The following VRK2 variants were observed in gnomAD, a reference collection of about 807,000 sequenced individuals.
VRK2 encodes the protein serine/threonine-protein kinase VRK2.
In VRK2, 60 loss-of-function variants were observed where a neutral mutation model predicts 57.6. That is an observed-to-expected ratio of 1.04 (90% confidence interval 0.85 to 1.29). The LOEUF (loss-of-function observed/expected upper bound fraction) is 1.29. Ranked by LOEUF, VRK2 falls within the 50% of genes most tolerant of loss-of-function variation. The pLI is 0.00. For missense variants in VRK2, 705 were observed against 588.1 expected (o/e 1.20, Z -2.06); for synonymous variants, 231 against 199.2 (o/e 1.16, Z -1.35).
chr2:57,938,667 G>A (rs564953784), intron 1 of VRK2, among the ~76,000 whole-genome samples: 25 of 151,850 alleles, frequency 1.6e-4, no homozygotes, highest in African/African-American at 5.8e-4. Flanking sequence ...TCTAGTAGCT[G>A]GAAAAGGCCT....
intron 12 of VRK2, among the ~76,000 whole-genome samples, chr2:58,155,921 G>GTT (rs5831489): frequency 2.2e-5 from 3 of 138,556 alleles, no homozygotes; most frequent in African/African-American, 6.2e-5. Context: ...TTTCATGTTT[G>GTT]TTTTTTTTTT....
intron 3 of VRK2, among the ~76,000 whole-genome samples, chr2:58,040,900 G>A (rs1674429429): frequency 6.6e-6 from 1 of 152,160 alleles, no homozygotes; most frequent in East Asian, 1.9e-4. Flanking sequence ...TGAAAGGTAA[G>A]CCTAAAAACA....
chr2:58,027,139 T>A (rs926742999), intron 2 of VRK2, among the ~76,000 whole-genome samples: 1 of 152,118 alleles, frequency 6.6e-6, no homozygotes, highest in African/African-American at 2.4e-5. Context: ...GGTGCCCTTC[T>A]CTGTTTAACC....
intron 2 of VRK2, among the ~76,000 whole-genome samples, chr2:58,079,872 T>C (rs551433486): frequency 8.5e-5 from 13 of 152,080 alleles, no homozygotes; most frequent in Non-Finnish European, 8.8e-5. Flanking sequence ...TGTAGGCCTT[T>C]TCAGTTTCTT....
chr2:58,114,022 T>G (rs928248576), intron 7 of VRK2, among the ~76,000 whole-genome samples: 3 of 152,144 alleles, frequency 2.0e-5, no homozygotes, highest in Admixed American at 2.0e-4. Flanking sequence ...TGGGAGAGAT[T>G]AAGCTGAAGG....
At chr2:58,139,643 G>T in intron 10 of VRK2, 23 bp from the exon 11 acceptor site, 2 of 1,598,694 alleles carry the variant, frequency 1.3e-6, no homozygotes, top group Non-Finnish European at 1.7e-6. Flanking sequence ...TGAATGACAT[G>T]TAAAAAATTT....
At chr2:57,917,621 T>A (rs1243009736) in intron 1 of VRK2, among the ~76,000 whole-genome samples, 1 of 150,982 alleles carries the variant, frequency 6.6e-6, no homozygotes, top group East Asian at 1.9e-4. Context: ...ATATTTAGTT[T>A]GGGGTAATGG....
At chr2:57,908,180 A>G (rs931752552) in intron 1 of VRK2, among the ~76,000 whole-genome samples, 2 of 152,204 alleles carry the variant, frequency 1.3e-5, no homozygotes, top group African/African-American at 4.8e-5. Context: ...GCAGAGCACA[A>G]AGTTGTACAT....
chr2:57,949,624 T>A (rs1278800078), intron 1 of VRK2, among the ~76,000 whole-genome samples: 1 of 152,144 alleles, frequency 6.6e-6, no homozygotes, highest in African/African-American at 2.4e-5. Context: ...TGAGACACAA[T>A]AATATTGAAA....
intron 1 of VRK2, among the ~76,000 whole-genome samples, chr2:58,022,424 C>T (rs1249297083): frequency 6.6e-6 from 1 of 152,140 alleles, no homozygotes; most frequent in Non-Finnish European, 1.5e-5. Context: ...GCTACGTAGA[C>T]ATTATGTTTC....
At chr2:57,924,652 A>G (rs1376625077) in intron 1 of VRK2, among the ~76,000 whole-genome samples, 1 of 151,958 alleles carries the variant, frequency 6.6e-6, no homozygotes, top group Admixed American at 6.6e-5. Flanking sequence ...TCTGCAAGTA[A>G]GGATAATCTG....
intron 1 of VRK2, among the ~76,000 whole-genome samples, chr2:57,994,700 T>C (rs1468588616): frequency 6.6e-6 from 1 of 152,162 alleles, no homozygotes; most frequent in Non-Finnish European, 1.5e-5. Flanking sequence ...AAAGACCATT[T>C]GTTTATATGG....
intron 2 of VRK2, among the ~76,000 whole-genome samples, chr2:58,027,774 T>C (rs1246036278): frequency 6.6e-6 from 1 of 152,144 alleles, no homozygotes; most frequent in African/African-American, 2.4e-5. Context: ...TATAGAAGTA[T>C]AAGTGTCCAG....
At chr2:58,014,739 T>A (rs1673523397) in intron 1 of VRK2, among the ~76,000 whole-genome samples, 1 of 152,222 alleles carries the variant, frequency 6.6e-6, no homozygotes, top group Non-Finnish European at 1.5e-5. Context: ...TATGGGAAAC[T>A]GACATTAAAT....
At chr2:58,030,823 G>A (rs1437530958) in intron 2 of VRK2, among the ~76,000 whole-genome samples, 1 of 152,008 alleles carries the variant, frequency 6.6e-6, no homozygotes, top group Non-Finnish European at 1.5e-5. Flanking sequence ...TTCTGAGGCT[G>A]GTAAGAAGAG....
intron 12 of VRK2, chr2:58,154,616 G>C: frequency 4.8e-6 from 3 of 621,698 alleles, no homozygotes; most frequent in Non-Finnish European, 8.7e-6. Context: ...TTTCCATTCG[G>C]TTCAATGTAT....
intron 2 of VRK2, among the ~76,000 whole-genome samples, chr2:58,069,101 A>T (rs1005753846): frequency 6.6e-6 from 1 of 152,066 alleles, no homozygotes; most frequent in African/African-American, 2.4e-5. Flanking sequence ...TTTCATGGAT[A>T]TGTTGAATAT....
chr2:57,993,820 C>T (rs920799999), intron 1 of VRK2, among the ~76,000 whole-genome samples: 1 of 152,104 alleles, frequency 6.6e-6, no homozygotes. Context: ...CACCAGAGCG[C>T]AATGCATAGC....
intron 1 of VRK2, among the ~76,000 whole-genome samples, chr2:57,914,329 G>A (rs949255028): frequency 4.0e-5 from 6 of 150,966 alleles, no homozygotes; most frequent in African/African-American, 1.5e-4. Context: ...ATTGTATAAA[G>A]TGTTTTAGCC....
Sources: allele counts gnomAD v4.1 joint callset (sites outside exome capture counted in the v4.1 genomes callset), GRCh38; gene constraint gnomAD v4.1.1; transcripts MANE v1.5; gene names NCBI Gene and HGNC (gene_info 2026-07-23, HGNC 2026-07-21).